Variants in CCSER1 observed in about 807,000 individuals in gnomAD.
CCSER1 encodes coiled-coil serine rich protein 1, also known as serine-rich coiled-coil domain-containing protein 1.
A neutral mutation model predicts 82.0 loss-of-function variants in CCSER1; 41 were observed. The ratio of observed to expected loss-of-function variants is 0.50; its 90% CI spans 0.39 to 0.65. CCSER1 has a LOEUF of 0.65. Among genes scored for constraint, CCSER1 ranks in the 30% least tolerant of loss-of-function variants. The pLI, the probability that CCSER1 is intolerant of heterozygous loss-of-function variation, is 0.00. For missense variants in CCSER1, 1,119 were observed against 1,064.2 expected (o/e 1.05, Z -0.72); for synonymous variants, 414 against 383.9 (o/e 1.08, Z -0.92).
chr4:90,364,262 C>A (rs924315432), intron 3 of CCSER1, among the ~76,000 whole-genome samples: 1 of 151,952 alleles, frequency 6.6e-6, no homozygotes, highest in African/African-American at 2.4e-5. Flanking sequence ...TGTCTCTCTC[C>A]CCCAAGTTCA....
chr4:90,877,054 A>T (rs957080213), intron 8 of CCSER1, among the ~76,000 whole-genome samples: 1 of 152,116 alleles, frequency 6.6e-6, no homozygotes, highest in African/African-American at 2.4e-5. Context: ...TAGTGAGGGA[A>T]ACTAAGTTTC....
intron 10 of CCSER1, among the ~76,000 whole-genome samples, chr4:91,555,274 A>G (rs1310518846): frequency 6.6e-6 from 1 of 151,094 alleles, no homozygotes; most frequent in Non-Finnish European, 1.5e-5. Context: ...ACATTTTTCT[A>G]TGTGCATTCA....
At chr4:90,371,157 T>C (rs552972978) in intron 3 of CCSER1, among the ~76,000 whole-genome samples, 1 of 152,282 alleles carries the variant, frequency 6.6e-6, no homozygotes, top group East Asian at 1.9e-4. Context: ...TGTGTGTTCA[T>C]ATCTACTTTT....
At chr4:91,172,685 C>G (rs1560490468) in intron 10 of CCSER1, among the ~76,000 whole-genome samples, 1 of 152,192 alleles carries the variant, frequency 6.6e-6, no homozygotes, top group Non-Finnish European at 1.5e-5. Flanking sequence ...AGCAATATTT[C>G]TACACTTCCA....
chr4:90,957,525 ATATATTATATATATTATATAAT>A (rs1211813548), intron 9 of CCSER1, among the ~76,000 whole-genome samples: 3,402 of 124,362 alleles, frequency 0.027, 136 homozygotes, highest in African/African-American at 0.086. Flanking sequence ...ACATAATATC[ATATATTATATATATTATATAAT>A]TATATTATAT....
intron 10 of CCSER1, among the ~76,000 whole-genome samples, chr4:91,243,271 C>G (rs1477686779): frequency 6.6e-6 from 1 of 152,204 alleles, no homozygotes; most frequent in Admixed American, 6.5e-5. Flanking sequence ...AGTTTGTTGG[C>G]AAGCCTCACC....
chr4:91,445,112 A>G (rs1922216), intron 10 of CCSER1, among the ~76,000 whole-genome samples: 123,342 of 152,124 alleles, frequency 0.81, 50,260 homozygotes, highest in East Asian at 0.92. Context: ...TACTTGGTCT[A>G]GGGCTTTTCT....
At chr4:91,230,608 T>C (rs575765510) in intron 10 of CCSER1, among the ~76,000 whole-genome samples, 2 of 152,098 alleles carry the variant, frequency 1.3e-5, no homozygotes, top group Admixed American at 1.3e-4. Flanking sequence ...GCCTATCTAT[T>C]TCTGTGTCAT....
chr4:90,259,720 T>G (rs1042215956), intron 1 of CCSER1, among the ~76,000 whole-genome samples: 1 of 152,170 alleles, frequency 6.6e-6, no homozygotes, highest in African/African-American at 2.4e-5. Flanking sequence ...GATGATCATA[T>G]GGTTTTTGTT....
intron 10 of CCSER1, among the ~76,000 whole-genome samples, chr4:91,323,397 C>T (rs1257781148): frequency 6.6e-6 from 1 of 152,158 alleles, no homozygotes; most frequent in African/African-American, 2.4e-5. Flanking sequence ...TTTTATCTAG[C>T]ACCCATGGAA....
intron 4 of CCSER1, among the ~76,000 whole-genome samples, chr4:90,466,224 T>C (rs1225419095): frequency 1.3e-5 from 2 of 152,226 alleles, no homozygotes; most frequent in African/African-American, 2.4e-5. Context: ...ATGAGCCCTT[T>C]AAAAGCAGAA....
chr4:90,186,325 A>G (rs1275920488), intron 1 of CCSER1, among the ~76,000 whole-genome samples: 2 of 152,006 alleles, frequency 1.3e-5, no homozygotes, highest in African/African-American at 4.8e-5. Flanking sequence ...AATCATTTCA[A>G]TAGGTCTTGC....
chr4:90,540,594 C>G (rs936091037), intron 5 of CCSER1, among the ~76,000 whole-genome samples: 10 of 151,974 alleles, frequency 6.6e-5, no homozygotes, highest in African/African-American at 2.4e-4. Flanking sequence ...AGAAAATGCC[C>G]ATGGAGAAGA....
At chr4:91,461,827 A>T (rs913592191) in intron 10 of CCSER1, among the ~76,000 whole-genome samples, 1 of 152,224 alleles carries the variant, frequency 6.6e-6, no homozygotes, top group African/African-American at 2.4e-5. Context: ...TATTCTAAGC[A>T]GGCATGTAGC....
intron 1 of CCSER1, among the ~76,000 whole-genome samples, chr4:90,141,063 T>TC (rs1560677496): frequency 6.6e-6 from 1 of 151,486 alleles, no homozygotes; most frequent in African/African-American, 2.4e-5. Context: ...TATCTATCTA[T>TC]TGTCTGTCTA....
At chr4:90,278,062 A>G (rs1324842177) in intron 1 of CCSER1, among the ~76,000 whole-genome samples, 1 of 152,118 alleles carries the variant, frequency 6.6e-6, no homozygotes, top group African/African-American at 2.4e-5. Flanking sequence ...CAATGGACCC[A>G]CAAGCTTATG....
chr4:90,198,257 A>T (rs1379256165), intron 1 of CCSER1, among the ~76,000 whole-genome samples: 2 of 151,888 alleles, frequency 1.3e-5, no homozygotes. Flanking sequence ...TTTTCTAATC[A>T]TATGGCTGGT....
intron 9 of CCSER1, among the ~76,000 whole-genome samples, chr4:91,043,229 G>T (rs1742128601): frequency 6.6e-6 from 1 of 151,800 alleles, no homozygotes; most frequent in Admixed American, 6.6e-5. Flanking sequence ...ACTAAAAAAA[G>T]AAATGTTATT....
intron 5 of CCSER1, among the ~76,000 whole-genome samples, chr4:90,532,682 A>G (rs1481511092): frequency 1.3e-5 from 2 of 152,190 alleles, no homozygotes; most frequent in African/African-American, 4.8e-5. Context: ...CAGTTTCTTT[A>G]TATCAAAATA....
Sources: gnomAD v4.1 joint callset for allele counts (sites outside exome capture counted in the v4.1 genomes callset) on GRCh38, gnomAD v4.1.1 for gene constraint, MANE v1.5 for transcripts, NCBI Gene and HGNC (gene_info 2026-07-23, HGNC 2026-07-21) for gene names.